Variants in FBXW7 observed in about 807,000 individuals in gnomAD.
FBXW7 encodes F-box and WD repeat domain containing 7, also known as F-box/WD repeat-containing protein 7.
Under a neutral mutation model 86.3 loss-of-function variants are expected in FBXW7, and 11 were observed. That is an observed-to-expected ratio of 0.13 (90% confidence interval 0.08 to 0.21). The LOEUF is 0.21. Ranked by LOEUF, FBXW7 falls within the 10% of genes least tolerant of loss-of-function variation. The pLI is 1.00. For missense variants in FBXW7, 488 were observed against 847.4 expected, an observed-to-expected ratio of 0.58 and a Z score of 5.27; for synonymous variants, 313 against 297.9, an observed-to-expected ratio of 1.05 and a Z score of -0.52.
chr4:152,336,523 T>C (rs1168284215), intron 7 of FBXW7, among the ~76,000 whole-genome samples: 2 of 152,032 alleles, frequency 1.3e-5, no homozygotes, highest in Non-Finnish European at 2.9e-5. Flanking sequence ...CTACAGAGAA[T>C]ATATCAAAGG....
chr4:152,513,082 G>A (rs972016340), intron 2 of FBXW7, among the ~76,000 whole-genome samples: 8 of 152,158 alleles, frequency 5.3e-5, no homozygotes, highest in South Asian at 2.1e-4. Context: ...GGCTGGTCTC[G>A]AACCCTTGAC....
intron 3 of FBXW7, 52 bp from the exon 4 acceptor site, chr4:152,411,924 T>C: frequency 7.2e-7 from 1 of 1,396,646 alleles, no homozygotes; most frequent in South Asian, 1.6e-5. Flanking sequence ...TATATTATGT[T>C]CTACTTTCAT....
intron 7 of FBXW7, among the ~76,000 whole-genome samples, chr4:152,333,153 G>C (rs149245665): frequency 5.9e-5 from 9 of 152,218 alleles, no homozygotes. Context: ...TATGACTCCA[G>C]ATCATTTTTG....
At chr4:152,425,052 T>C (rs1275439377) in intron 2 of FBXW7, among the ~76,000 whole-genome samples, 4 of 152,220 alleles carry the variant, frequency 2.6e-5, no homozygotes, top group Non-Finnish European at 5.9e-5. Flanking sequence ...GATGATGCCA[T>C]TACTGCCAGT....
chr4:152,321,873 T>A lies in FBXW7; in HGVS notation c.*1008A>T. 4.3e-6 allele frequency: 1 copy of A among 232,758 alleles called. No homozygotes were observed. The highest frequency in any genetic ancestry group is 6.1e-5 in the East Asian group (1 of 16,480). The allele number at this position is 232,758 out of a possible 1,614,324, so 14.4% of individuals were successfully genotyped here. ...AAAAGAAAATAAGCTTTGCACACAC[T>A]CTCAATTCTTTACTTGCAGGCAAAC... On this transcript the variant is annotated 3_prime_UTR_variant, in exon 14 of 14. Coordinates refer to ENST00000281708, the MANE Select transcript of FBXW7 (RefSeq NM_001349798.2).
chr4:152,357,824 C>A (rs905230572), intron 4 of FBXW7, among the ~76,000 whole-genome samples: 1 of 152,084 alleles, frequency 6.6e-6, no homozygotes, highest in Non-Finnish European at 1.5e-5. Context: ...TACACACATA[C>A]ATAATTCATA....
chr4:152,391,819 C>T (rs905181813), intron 4 of FBXW7, among the ~76,000 whole-genome samples: 1 of 152,082 alleles, frequency 6.6e-6, no homozygotes, highest in Non-Finnish European at 1.5e-5. Flanking sequence ...AGATTTTAAC[C>T]CTGGTATGTC....
intron 2 of FBXW7, among the ~76,000 whole-genome samples, chr4:152,503,793 T>A (rs1002874389): frequency 6.6e-6 from 1 of 152,186 alleles, no homozygotes; most frequent in African/African-American, 2.4e-5. Flanking sequence ...AAAATTGATG[T>A]TTCTCCTATT....
chr4:152,462,108 G>T (rs1384350564), intron 2 of FBXW7, among the ~76,000 whole-genome samples: 1 of 152,114 alleles, frequency 6.6e-6, no homozygotes, highest in Non-Finnish European at 1.5e-5. Context: ...CTTCTAACCT[G>T]ATGCCCAGGG....
chr4:152,323,893 CTTCTATGATA>C, intron 13 of FBXW7: 2 of 278,734 alleles, frequency 7.2e-6, no homozygotes, highest in Middle Eastern at 2.3e-3. Flanking sequence ...GAGTACGTTG[CTTCTATGATA>C]TAGCCAAGAT....
At chr4:152,517,089 C>T (rs1256160888) in intron 2 of FBXW7, among the ~76,000 whole-genome samples, 1 of 152,202 alleles carries the variant, frequency 6.6e-6, no homozygotes, top group East Asian at 1.9e-4. Context: ...TCCCAAAGTG[C>T]TAGGATTATA....
At chr4:152,515,954 G>A (rs1480207805) in intron 2 of FBXW7, among the ~76,000 whole-genome samples, 1 of 152,160 alleles carries the variant, frequency 6.6e-6, no homozygotes, top group African/African-American at 2.4e-5. Context: ...GGCCTCTAAG[G>A]AGCTCAAAGT....
chr4:152,429,208 T>C (rs759391846), intron 2 of FBXW7, among the ~76,000 whole-genome samples: 9 of 151,956 alleles, frequency 5.9e-5, no homozygotes, highest in Non-Finnish European at 1.0e-4. Context: ...AGAGAACACT[T>C]TAGAAAGCAA....
intron 2 of FBXW7, among the ~76,000 whole-genome samples, chr4:152,496,911 A>G (rs1250588637): frequency 1.3e-5 from 2 of 152,244 alleles, no homozygotes; most frequent in Non-Finnish European, 2.9e-5. Flanking sequence ...TATCAAAACT[A>G]TTAAAATTAA....
intron 13 of FBXW7, 70 bp from the exon 14 acceptor site, chr4:152,323,219 T>C (rs1728703012): frequency 6.7e-7 from 1 of 1,488,040 alleles, no homozygotes; most frequent in Admixed American, 1.9e-5. Flanking sequence ...CATTATAATT[T>C]GTAGACTTCT....
chr4:152,390,132 C>A (rs989331127), intron 4 of FBXW7, among the ~76,000 whole-genome samples: 1 of 150,410 alleles, frequency 6.6e-6, no homozygotes, highest in Non-Finnish European at 1.5e-5. Context: ...CCTCTCCTAC[C>A]TACTGTAGTG....
At chr4:152,369,042 T>C (rs1395676491) in intron 4 of FBXW7, among the ~76,000 whole-genome samples, 1 of 152,072 alleles carries the variant, frequency 6.6e-6, no homozygotes, top group Non-Finnish European at 1.5e-5. Flanking sequence ...GAAAAATTAT[T>C]CAAAATTTAT....
intron 2 of FBXW7, among the ~76,000 whole-genome samples, chr4:152,501,458 A>G (rs924445157): frequency 1.3e-5 from 2 of 152,254 alleles, no homozygotes; most frequent in African/African-American, 2.4e-5. Context: ...TTATTGCCTA[A>G]CTTGCTCAAA....
At chr4:152,390,314 C>T (rs1345625693) in intron 4 of FBXW7, among the ~76,000 whole-genome samples, 3 of 151,928 alleles carry the variant, frequency 2.0e-5, no homozygotes, top group African/African-American at 7.2e-5. Flanking sequence ...CCAACTATCC[C>T]ACTGAATTTT....
Sources: allele counts gnomAD v4.1 joint callset (sites outside exome capture counted in the v4.1 genomes callset), GRCh38; gene constraint gnomAD v4.1.1; transcripts MANE v1.5; gene names NCBI Gene and HGNC (gene_info 2026-07-23, HGNC 2026-07-21).